The following PDXDC1 variants were observed in gnomAD, a reference collection of about 807,000 sequenced individuals.
PDXDC1 encodes the protein pyridoxal dependent decarboxylase domain containing 1.
In PDXDC1, 42 loss-of-function variants were observed where a neutral mutation model predicts 100.1. That is an observed-to-expected ratio of 0.42 (90% confidence interval 0.33 to 0.54). PDXDC1 has a LOEUF of 0.54. Ranked by LOEUF, PDXDC1 falls within the 20% of genes least tolerant of loss-of-function variation. PDXDC1 has a pLI of 0.10. For synonymous variants in PDXDC1, 260 were observed against 371.7 expected, an observed-to-expected ratio of 0.70 and a Z score of 3.46; for missense variants, 636 against 979.2, an observed-to-expected ratio of 0.65 and a Z score of 4.68.
At chr16:15,085,225 T>G (rs537746491) in intron 16 of PDXDC1, among the ~76,000 whole-genome samples, 3 of 152,334 alleles carry the variant, frequency 2.0e-5, no homozygotes, top group Admixed American at 6.5e-5. Context: ...TCAGGACAAA[T>G]GACTGCATAT....
chr16:15,140,053 C>G (rs1432681686), downstream of PDXDC1, among the ~76,000 whole-genome samples: 2 of 128,758 alleles, frequency 1.6e-5, no homozygotes, highest in African/African-American at 5.8e-5. Context: ...GCCAAGATCA[C>G]GCCACTGCAA....
At chr16:15,093,946 A>G in intron 16 of PDXDC1, 1 of 605,322 alleles carries the variant, frequency 1.7e-6, no homozygotes. Flanking sequence ...CAGAGAACAT[A>G]GTCACTTTTC....
chr16:15,041,510 T>C (rs963113538), downstream of PDXDC1: 2 of 794,692 alleles, frequency 2.5e-6, no homozygotes, highest in African/African-American at 1.7e-5. Context: ...CCGGAACAGA[T>C]GGTGGCCAAG....
chr16:15,072,989 A>G (rs1365324311), intron 16 of PDXDC1: 2 of 1,613,604 alleles, frequency 1.2e-6, no homozygotes, highest in Non-Finnish European at 8.5e-7. Flanking sequence ...AAAACTGTAC[A>G]TGGCAGGAGG....
intron 16 of PDXDC1, among the ~76,000 whole-genome samples, chr16:15,057,812 TG>T (rs1276110810): frequency 6.6e-6 from 1 of 152,212 alleles, no homozygotes; most frequent in African/African-American, 2.4e-5. Flanking sequence ...CAAGGTTCTG[TG>T]GGTTCTGCCT....
chr16:15,041,677 C>G, downstream of PDXDC1: 3 of 1,605,266 alleles, frequency 1.9e-6, no homozygotes, highest in Non-Finnish European at 2.6e-6. Context: ...TCAAATTCAC[C>G]TATGATGAGA....
At chr16:15,073,029 A>G (rs2045301905) in intron 16 of PDXDC1, 22 of 1,613,154 alleles carry the variant, frequency 1.4e-5, no homozygotes, top group Non-Finnish European at 1.5e-5. Context: ...TTTGTCAAAG[A>G]TGTTTATCAG....
rs1255464834 is a variant in PDXDC1, at chr16:15,133,824, A to G, written c.1400-5055A>G. On this transcript the variant is annotated intron_variant, in intron 16 of 16. Coordinates refer to the PDXDC1 transcript ENST00000535621. ...GCATTCGAAGTGCACCTTGGTGGTG[A>G]GGGCGTGCACAGCGCCCAGTGGGAA... 15 of 1,585,086 alleles carry G rather than the reference A, an allele frequency of 9.5e-6. No homozygotes were observed. In the East Asian group the frequency reaches 3.2e-4, roughly 34 times the overall value.
At chr16:15,113,234 A>AAG (rs2047140230) in intron 16 of PDXDC1, among the ~76,000 whole-genome samples, 1 of 15,994 alleles carries the variant, frequency 6.3e-5, no homozygotes. Flanking sequence ...AAAAAAAAAA[A>AAG]AAAAGCTTCC....
chr16:14,975,900 G>A (rs1966765383), intron 1 of PDXDC1, among the ~76,000 whole-genome samples: 1 of 152,290 alleles, frequency 6.6e-6, no homozygotes, highest in Admixed American at 6.5e-5. Context: ...GTGTTGCGTA[G>A]ATTGCGAATT....
intron 16 of PDXDC1, among the ~76,000 whole-genome samples, chr16:15,048,299 C>T (rs2044158527): frequency 1.3e-5 from 2 of 152,156 alleles, no homozygotes; most frequent in Admixed American, 6.5e-5. Flanking sequence ...TGCGGTTCTG[C>T]GCGGTGGTTT....
At chr16:15,056,539 G>T (rs1437178908) in intron 16 of PDXDC1, among the ~76,000 whole-genome samples, 1 of 152,198 alleles carries the variant, frequency 6.6e-6, no homozygotes, top group Non-Finnish European at 1.5e-5. Flanking sequence ...ACTTTGGGGG[G>T]CCGAGGCAGG....
chr16:15,073,570 C>T (rs916448603), intron 16 of PDXDC1, among the ~76,000 whole-genome samples: 7 of 152,204 alleles, frequency 4.6e-5, no homozygotes, highest in Non-Finnish European at 1.0e-4. Context: ...TGCAAGGAAG[C>T]AGGCCCTCAC....
intron 12 of PDXDC1, among the ~76,000 whole-genome samples, chr16:15,019,384 A>G (rs2042012452): frequency 6.6e-6 from 1 of 152,278 alleles, no homozygotes; most frequent in African/African-American, 2.4e-5. Context: ...TGGGTTTCCA[A>G]ATTGCAGGGC....
Position 15,034,526 on chromosome 16 carries a change from A to G in PDXDC1, c.1975A>G (p.Lys659Glu), listed in dbSNP as rs1354250752. The change falls in exon 21 of 23, where the codon AAG (lysine) becomes GAG (glutamate). Residue 659 changes from lysine to glutamate, a missense_variant. By Grantham distance (56) the Lys-to-Glu change is moderately conservative. Around this residue, in one of 4 missense-constraint regions of PDXDC1, gnomAD observed 452 missense variants for 402.9 expected, o/e 1.12. Coordinates refer to ENST00000396410, the MANE Select transcript of PDXDC1 (RefSeq NM_015027.4). ...GTTTTCTCCGGTCCAGGCTTTACAGAAGGGAAGAACTTTTAACTTGACAGC... is the reference window on the plus strand; with the variant it reads ...GTTTTCTCCGGTCCAGGCTTTACAGGAGGGAAGAACTTTTAACTTGACAGC... ...NWFSPVQALQ[K>E]GRTFNLTAGS... 2 of 1,613,928 alleles carry G rather than the reference A, an allele frequency of 1.2e-6. No individual in the cohort carries two copies. The highest frequency in any genetic ancestry group is 1.7e-6 in the Non-Finnish European group (2 of 1,179,894).
chr16:14,981,369 C>A (rs1438298956), intron 1 of PDXDC1, among the ~76,000 whole-genome samples: 1 of 152,292 alleles, frequency 6.6e-6, no homozygotes, highest in Non-Finnish European at 1.5e-5. Flanking sequence ...AAAAGCATTT[C>A]TTTTCCTCCC....
intron 1 of PDXDC1, among the ~76,000 whole-genome samples, chr16:14,985,716 AT>A (rs1219541830): frequency 2.6e-5 from 4 of 152,294 alleles, no homozygotes; most frequent in African/African-American, 9.6e-5. Context: ...CTTTTAAGCA[AT>A]TTTAACATTA....
At position 15,017,210 on chromosome 16, in the gene PDXDC1, A is replaced by G. The variant is rs761862197; in HGVS notation, c.861+42A>G. On this transcript the variant is annotated intron_variant, in intron 10 of 22. Coordinates refer to ENST00000396410, the MANE Select transcript of PDXDC1 (RefSeq NM_015027.4). ...CTGAATATTGGTGTTTTTAAGAATG[A>G]ATTTAAAGTCACTCAGTCCCTCATG... The G allele has an allele frequency of 5.6e-6, 9 of 1,612,428 alleles. No homozygotes were observed. The South Asian group carries it at 9.9e-5, about 18-fold the overall frequency.
Position 15,079,138 on chromosome 16 carries a change from T to C in PDXDC1, c.1399+49082T>C, listed in dbSNP as rs2045591019. ...TCTTCATATTTCTAACTACCATTAATGGCAACACCAAGATTCAATTCCACA... is the reference window on the plus strand; with the variant it reads ...TCTTCATATTTCTAACTACCATTAACGGCAACACCAAGATTCAATTCCACA... On this transcript the variant is annotated intron_variant, in intron 16 of 16. Coordinates refer to the PDXDC1 transcript ENST00000535621. 2.7e-5 allele frequency among the ~76,000 whole-genome samples: 4 copies of C among 150,204 alleles called. No homozygotes were observed. The South Asian group carries it at 8.5e-4, about 32-fold the overall frequency.
Sources: gnomAD v4.1 joint callset for allele counts (sites outside exome capture counted in the v4.1 genomes callset) on GRCh38, gnomAD v4.1.1 for gene constraint, gnomAD v4.1.1 regional missense constraint, MANE v1.5 for transcripts, NCBI Gene and HGNC (gene_info 2026-07-23, HGNC 2026-07-21) for gene names.